The following RELA variants were observed in gnomAD, a reference collection of about 807,000 sequenced individuals.
The protein encoded by RELA is RELA proto-oncogene, NF-kB subunit.
Under a neutral mutation model 56.7 loss-of-function variants are expected in RELA, and 14 were observed. The observed-to-expected ratio is 0.25, with a 90% CI of 0.16 to 0.39. The LOEUF (loss-of-function observed/expected upper bound fraction) is 0.39. RELA is among the 10% of genes least tolerant of loss of function. The pLI, the probability that RELA is intolerant of heterozygous loss-of-function variation, is 1.00. For missense variants in RELA, 559 were observed against 736.4 expected (o/e 0.76, Z 2.79); for synonymous variants, 315 against 289.7 (o/e 1.09, Z -0.89).
chr11:65,657,843 C>T (rs1377605812), intron 8 of RELA, among the ~76,000 whole-genome samples: 1 of 152,210 alleles, frequency 6.6e-6, no homozygotes, highest in East Asian at 1.9e-4. Context: ...TTCACAATAC[C>T]TGGCACAGGC....
At chr11:65,655,785 G>A (rs1856409705) in intron 9 of RELA, 23 bp from the exon 10 acceptor site, 1 of 1,613,544 alleles carries the variant, frequency 6.2e-7, no homozygotes, top group African/African-American at 1.3e-5. Context: ...GGCTAGGTCA[G>A]TTCTCAGCCC....
intron 6 of RELA, among the ~76,000 whole-genome samples, chr11:65,659,206 G>C (rs1856502645): frequency 6.6e-6 from 1 of 152,096 alleles, no homozygotes; most frequent in Admixed American, 6.6e-5. Flanking sequence ...AGTTTATCCT[G>C]GTTTCCCATC....
chr11:65,662,906 G>T lies in RELA; in HGVS notation c.-74C>A. ...TGCACTACAGACGAGCCATTCGCCA[G>T]AGGCGGAAATGCGCCGCGCGGCCCG... On this transcript the variant is annotated 5_prime_UTR_variant, in exon 1 of 11. It adds an upstream start codon to the 5' untranslated region. Transcript: ENST00000406246. 1 of 1,148,702 alleles carries T rather than the reference G, an allele frequency of 8.7e-7. No individual in the cohort carries two copies. 71.2% of individuals were successfully genotyped at this position (1,148,702 alleles called of 1,614,324 possible).
In RELA at chr11:65,658,522, G is replaced by A. The variant is rs774946441; in HGVS notation, c.665-23C>T. On this transcript the variant is annotated intron_variant, in intron 7 of 10. Coordinates refer to ENST00000406246, the MANE Select transcript of RELA (RefSeq NM_021975.4). The surrounding 1 kb of genome is among the most constrained non-coding windows in gnomAD (Gnocchi z 4.5). ...CCTCTGCAGGAGATGCGGTGGCAGT[G>A]TGGGTCAGTGTGTCTAACCCTCCAT... is the stretch of plus-strand genomic sequence containing the variant. 2 of 1,562,970 alleles carry A rather than the reference G, an allele frequency of 1.3e-6. No homozygotes were observed. The highest frequency in any genetic ancestry group is 2.7e-5 in the African/African-American group (2 of 73,958).
chr11:65,660,416 G>C, intron 4 of RELA: 1 of 598,576 alleles, frequency 1.7e-6, no homozygotes, highest in Non-Finnish European at 3.0e-6. Context: ...GCCCCTGCCA[G>C]CCTCCCTGTG....
At position 65,654,099 on chromosome 11, in the gene RELA, C is replaced by T. The variant is rs1856350983; in HGVS notation, c.*279G>A. On this transcript the variant is annotated 3_prime_UTR_variant, in exon 11 of 11. Transcript: ENST00000406246. ...ATGGGGATGGGGGACCCCAGAGTTC[C>T]CTACAGAGAAGGGAGCTGACCATCA... is the stretch of plus-strand genomic sequence containing the variant. 2 of 482,456 alleles carry T rather than the reference C, an allele frequency of 4.1e-6. No homozygotes were observed. Among genetic ancestry groups the T allele is most frequent in the East Asian group, 4.2e-5 (1 of 24,004 alleles). The allele number at this position is 482,456 out of a possible 1,614,324, so 29.9% of individuals were successfully genotyped here. A position where few individuals can be genotyped will look rare whatever the true frequency, so the allele number is the denominator to read the frequency against.
In RELA at chr11:65,655,765, G is replaced by C. The variant is rs12721571; in HGVS notation, c.959-3C>G. 1 of 1,613,964 alleles carries C rather than the reference G, an allele frequency of 6.2e-7. No individual in the cohort carries two copies. The highest frequency in any genetic ancestry group is 1.1e-5 in the South Asian group (1 of 91,068). On this transcript the variant is annotated splice_polypyrimidine_tract_variant and splice_region_variant and intron_variant, in intron 9 of 10. Coordinates refer to ENST00000406246, the MANE Select transcript of RELA (RefSeq NM_021975.4). Reference sequence around the variant, plus strand: ...TGGAGGCCGGGGGTCGGTGGGTCCTGTAGGGCAAGGGCTAGGTCAGTTCTC... The same window carrying C: ...TGGAGGCCGGGGGTCGGTGGGTCCTCTAGGGCAAGGGCTAGGTCAGTTCTC...
chr11:65,660,360 A>C lies in RELA; in HGVS notation c.336-145T>G, dbSNP rs1039468446. 3 of 697,036 alleles carry C rather than the reference A, an allele frequency of 4.3e-6. 1 individual carries two copies. The highest frequency in any genetic ancestry group is 1.7e-5 in the South Asian group (1 of 57,280). The allele number at this position is 697,036 out of a possible 1,614,324, so 43.2% of individuals were successfully genotyped here. ...TCCAGTGGCTTCCTACTGTGCTGCAACGAACCCTGTCCCTTCACTCAGCTG... is the reference window on the plus strand; with the variant it reads ...TCCAGTGGCTTCCTACTGTGCTGCACCGAACCCTGTCCCTTCACTCAGCTG... On this transcript the variant is annotated intron_variant, in intron 4 of 10. Transcript: ENST00000406246.
Position 65,656,072 on chromosome 11 carries a change from G to A in RELA, c.878-137C>T. On this transcript the variant is annotated intron_variant, in intron 8 of 10. Coordinates refer to ENST00000406246, the MANE Select transcript of RELA (RefSeq NM_021975.4). ...TCCCAACCTTCTCTGCCAATGAGAA[G>A]GGATGTGTGACACTCAGCAGTTCTG... 3 of 748,160 alleles carry A rather than the reference G, an allele frequency of 4.0e-6. No homozygotes were observed. The Admixed American group carries it at 6.0e-5, about 15-fold the overall frequency. 46.3% of individuals were successfully genotyped at this position (748,160 alleles called of 1,614,324 possible). A position where few individuals can be genotyped will look rare whatever the true frequency, so the allele number is the denominator to read the frequency against.
intron 10 of RELA, chr11:65,655,457 G>A: frequency 1.7e-6 from 1 of 592,882 alleles, no homozygotes; most frequent in Non-Finnish European, 3.0e-6. Context: ...CAGAGATTCT[G>A]CATTTTTAAC....
Position 65,659,786 on chromosome 11 carries a change from C to T in RELA, c.439G>A (p.Glu147Lys). 1 of 1,611,788 alleles carries T rather than the reference C, an allele frequency of 6.2e-7. No homozygotes were observed. The change falls in exon 6 of 11, where the codon GAG (glutamate) becomes AAG (lysine). Residue 147 changes from glutamate to lysine, a missense_variant. Coordinates refer to ENST00000406246, the MANE Select transcript of RELA (RefSeq NM_021975.4). Reference protein sequence around the residue: ...NNNPFQVPIEEQRGDYDLNAV... With the variant: ...NNNPFQVPIEKQRGDYDLNAV... ...TTCAGGTCGTAGTCCCCACGCTGCT[C>T]TTCTATAGGAACTGCCAAGAAAACA... is the stretch of plus-strand genomic sequence containing the variant.
chr11:65,655,028 G>A (rs1370079138), intron 10 of RELA, 28 bp from the exon 11 acceptor site: 3 of 1,551,460 alleles, frequency 1.9e-6, no homozygotes, highest in Non-Finnish European at 8.8e-7. Flanking sequence ...AGAGGCAGGG[G>A]TCAGAGAAAG....
chr11:65,656,928 G>C (rs1856445150), intron 8 of RELA, among the ~76,000 whole-genome samples: 1 of 152,150 alleles, frequency 6.6e-6, no homozygotes, highest in African/African-American at 2.4e-5. Flanking sequence ...GGGAGGCTGA[G>C]GCAGGGAGAA....
At chr11:65,657,970 T>TGACTCTGCTA (rs998563728) in intron 8 of RELA, among the ~76,000 whole-genome samples, 1 of 152,208 alleles carries the variant, frequency 6.6e-6, no homozygotes, top group Non-Finnish European at 1.5e-5. Context: ...GTTCCAACGC[T>TGACTCTGCTA]GACTCTGCTA....
In RELA at chr11:65,654,141, TGA is replaced by T. The variant is rs1235089325; in HGVS notation, c.*235_*236del. 6.8e-6 allele frequency: 4 copies of T among 588,702 alleles called. No individual in the cohort carries two copies. Among genetic ancestry groups the T allele is most frequent in the Admixed American group, 5.2e-5 (2 of 38,530 alleles). The allele number at this position is 588,702 out of a possible 1,614,324, so 36.5% of individuals were successfully genotyped here. A position where few individuals can be genotyped will look rare whatever the true frequency, so the allele number is the denominator to read the frequency against. ...TGACCATCAGGACAGGGGAAAAGTT[TGA>T]GTTTCCCCAGCTCCCCCCTTTCCAG... is the stretch of plus-strand genomic sequence containing the variant. On this transcript the variant is annotated 3_prime_UTR_variant, in exon 11 of 11. Transcript: ENST00000406246.
In RELA at chr11:65,658,471, T is replaced by C. The variant is rs758337444; in HGVS notation, c.693A>G (p.Pro231=). The C allele has an allele frequency of 6.2e-7, 1 of 1,611,412 alleles. No individual in the cohort carries two copies. The highest frequency in any genetic ancestry group is 2.2e-5 in the East Asian group (1 of 44,810). Residue 231 remains proline, a synonymous_variant, in exon 8 of 11, where the codon CCA becomes CCG. Coordinates refer to ENST00000406246, the MANE Select transcript of RELA (RefSeq NM_021975.4). The surrounding 1 kb of genome is among the most constrained non-coding windows in gnomAD (Gnocchi z 4.5). The stretch of plus-strand genomic sequence containing the variant: ...AAAAGGAGCCTCGGGCCTCCCAGCC[T>C]GGTCCCGTGAAATACACCTCAATGT... The part of the protein sequence containing the change: ...KEDIEVYFTG[P]GWEARGSFSQ...
Position 65,654,784 on chromosome 11 carries a change from G to T in RELA, c.1250C>A (p.Pro417His). ...GGCAGGTGGGGCCACAGCCTGAGGA[G>T]GGCCTGGGGCTAGGACTGGGACAGG... ...PAPVPVLAPGPPQAVAPPAPK... is the reference protein window; with the variant it reads ...PAPVPVLAPGHPQAVAPPAPK... The change falls in exon 11 of 11, where the codon CCT becomes CAT. Residue 417 changes from proline (P) to histidine (H), a missense_variant. By Grantham distance (77) the Pro-to-His change is moderately conservative. Coordinates refer to ENST00000406246, the MANE Select transcript of RELA (RefSeq NM_021975.4). The T allele has an allele frequency of 6.6e-7, 1 of 1,510,768 alleles. No individual in the cohort carries two copies. Among genetic ancestry groups the T allele is most frequent in the African/African-American group, 1.4e-5 (1 of 72,226 alleles). 93.6% of individuals were successfully genotyped at this position (1,510,768 alleles called of 1,614,324 possible). A position where few individuals can be genotyped will look rare whatever the true frequency, so the allele number is the denominator to read the frequency against.
chr11:65,661,869 C>G lies in RELA; in HGVS notation c.187-34G>C, dbSNP rs75330420. 1.0e-5 allele frequency: 16 copies of G among 1,602,340 alleles called. No homozygotes were observed. In the African/African-American group the frequency reaches 1.6e-4, roughly 16 times the overall value. On this transcript the variant is annotated intron_variant, in intron 3 of 10. Coordinates refer to ENST00000406246, the MANE Select transcript of RELA (RefSeq NM_021975.4). ...AGTACAGAGGCCCAGACATCCAAAC[C>G]TGACTCCCAAACACAGAGGGCTGGG...
Position 65,658,843 on chromosome 11 carries a change from G to A in RELA, c.560-21C>T. ...GGCACCTGAGGCAGTGAAAACAAGG[G>A]AGGATGACCTGAGCCACGAGAGGTC... is the stretch of plus-strand genomic sequence containing the variant. On this transcript the variant is annotated intron_variant, in intron 6 of 10. Coordinates refer to ENST00000406246, the MANE Select transcript of RELA (RefSeq NM_021975.4). This position sits in a 1 kb window ranked among gnomAD's most constrained non-coding sequence, Gnocchi z 4.5. The A allele has an allele frequency of 6.2e-7, 1 of 1,607,402 alleles. No individual in the cohort carries two copies. Among genetic ancestry groups the A allele is most frequent in the Non-Finnish European group, 8.5e-7 (1 of 1,174,000 alleles).
Sources: gnomAD v4.1 joint callset for allele counts (sites outside exome capture counted in the v4.1 genomes callset) on GRCh38, gnomAD v4.1.1 for gene constraint, Gnocchi (gnomAD v3.1) non-coding constraint, MANE v1.5 for transcripts, NCBI Gene and HGNC (gene_info 2026-07-23, HGNC 2026-07-21) for gene names.